EPS15: variants seen among roughly 807,000 people sequenced by gnomAD.
EPS15 encodes the protein epidermal growth factor receptor pathway substrate 15.
In EPS15, 72 loss-of-function variants were observed where a neutral mutation model predicts 113.8. The observed-to-expected ratio is 0.63, with a 90% confidence interval of 0.52 to 0.77. The LOEUF is 0.77. EPS15 is among the 30% of genes least tolerant of loss of function. The pLI, the probability that EPS15 is intolerant of heterozygous loss-of-function variation, is 0.00. For synonymous variants in EPS15, 344 were observed against 363.4 expected (o/e 0.95, Z 0.61); for missense variants, 1,048 against 1,045.8 (o/e 1.00, Z -0.03).
intron 15 of EPS15, 138 bp from the exon 16 acceptor site, chr1:51,406,246 CAGG>C: frequency 2.9e-6 from 2 of 687,076 alleles, no homozygotes; most frequent in East Asian, 2.7e-5. Context: ...GAAACTGAGG[CAGG>C]AGGACTGCTT....
intron 1 of EPS15, among the ~76,000 whole-genome samples, chr1:51,490,555 A>C (rs1183386339): frequency 7.7e-6 from 1 of 129,792 alleles, no homozygotes; most frequent in Non-Finnish European, 1.6e-5. Flanking sequence ...ACAGTGCGAG[A>C]CTCCATCTCA....
rs1312480321 is a variant in EPS15 at position 51,355,878 on chromosome 1, T to C, written c.*822A>G. 1 of 197,012 alleles carries C rather than the reference T, an allele frequency of 5.1e-6. No individual in the cohort carries two copies. The highest frequency in any genetic ancestry group is 2.3e-5 in the African/African-American group (1 of 43,268). 12.2% of individuals were successfully genotyped at this position (197,012 alleles called of 1,614,324 possible). Reference sequence around the variant, plus strand: ...CATGTTAAGACTTTTGCTTGCCTTATACTGATGGGTATATTTTAGGTGATA... The same window carrying C: ...CATGTTAAGACTTTTGCTTGCCTTACACTGATGGGTATATTTTAGGTGATA... On this transcript the variant is annotated 3_prime_UTR_variant, in exon 25 of 25. Transcript: ENST00000371733.
intron 21 of EPS15, chr1:51,372,165 T>C (rs1280530478): frequency 5.2e-6 from 2 of 384,838 alleles, no homozygotes; most frequent in Non-Finnish European, 1.0e-5. Flanking sequence ...CACACACATT[T>C]TTTTCATTAA....
At chr1:51,376,615 G>A (rs1646806000) in intron 21 of EPS15, among the ~76,000 whole-genome samples, 1 of 152,174 alleles carries the variant, frequency 6.6e-6, no homozygotes, top group African/African-American at 2.4e-5. Context: ...GGTGAGCTGA[G>A]ATTGCACCAC....
chr1:51,415,301 A>G (rs116248076), intron 13 of EPS15, among the ~76,000 whole-genome samples: 271 of 152,306 alleles, frequency 1.8e-3, no homozygotes, highest in Non-Finnish European at 3.2e-3. Flanking sequence ...ATTCATTCAA[A>G]TTTCCCAGAC....
intron 8 of EPS15, among the ~76,000 whole-genome samples, chr1:51,449,686 C>CA (rs1653376497): frequency 2.0e-5 from 3 of 151,616 alleles, no homozygotes; most frequent in Non-Finnish European, 2.9e-5. Flanking sequence ...ACACGGAAGA[C>CA]AGAGTTATTA....
intron 1 of EPS15, among the ~76,000 whole-genome samples, chr1:51,496,981 G>T (rs573641676): frequency 2.9e-4 from 44 of 152,144 alleles, no homozygotes; most frequent in African/African-American, 1.0e-3. Context: ...ACACATAGAA[G>T]ATAATAAATA....
At chr1:51,384,732 C>A (rs1023251043) in intron 21 of EPS15, among the ~76,000 whole-genome samples, 2 of 152,160 alleles carry the variant, frequency 1.3e-5, no homozygotes, top group East Asian at 3.8e-4. Flanking sequence ...CAGTGAGGAA[C>A]TGCATAAATA....
intron 2 of EPS15, among the ~76,000 whole-genome samples, chr1:51,473,221 G>C (rs1344094394): frequency 1.3e-5 from 2 of 152,096 alleles, no homozygotes; most frequent in Non-Finnish European, 2.9e-5. Flanking sequence ...GCAAATTCGT[G>C]GGGTTGTAAC....
intron 1 of EPS15, among the ~76,000 whole-genome samples, chr1:51,499,595 A>G (rs770771050): frequency 6.6e-6 from 1 of 152,086 alleles, no homozygotes; most frequent in Non-Finnish European, 1.5e-5. Context: ...CAAGGGTTCC[A>G]GTATCTCCAA....
At chr1:51,404,229 C>T (rs1291907883) in intron 16 of EPS15, among the ~76,000 whole-genome samples, 1 of 152,052 alleles carries the variant, frequency 6.6e-6, no homozygotes, top group African/African-American at 2.4e-5. Flanking sequence ...GCCTGTAGTC[C>T]CAGCTACTCG....
At chr1:51,394,569 GAAC>G (rs1351531634) in intron 20 of EPS15, 122 bp from the exon 21 acceptor site, 1 of 494,938 alleles carries the variant, frequency 2.0e-6, no homozygotes, top group African/African-American at 2.0e-5. Context: ...TAGACATTAG[GAAC>G]AAATGTTTCC....
intron 13 of EPS15, among the ~76,000 whole-genome samples, chr1:51,416,989 A>G (rs1394899638): frequency 6.6e-6 from 1 of 152,062 alleles, no homozygotes; most frequent in African/African-American, 2.4e-5. Context: ...ATAGAACAAG[A>G]TGTTTAAGTC....
At chr1:51,423,239 G>A (rs1349495063) in intron 12 of EPS15, 12 of 1,288,784 alleles carry the variant, frequency 9.3e-6, no homozygotes, top group East Asian at 5.5e-5. Context: ...TGTGGGTCGC[G>A]ATGTTGTGAT....
At chr1:51,362,142 T>C (rs892853201) in intron 23 of EPS15, among the ~76,000 whole-genome samples, 2 of 151,874 alleles carry the variant, frequency 1.3e-5, no homozygotes, top group African/African-American at 2.4e-5. Context: ...CTAAAATGCA[T>C]AAGCTGGTAA....
chr1:51,436,725 G>A (rs1022556415), intron 12 of EPS15, among the ~76,000 whole-genome samples: 1 of 152,098 alleles, frequency 6.6e-6, no homozygotes, highest in Non-Finnish European at 1.5e-5. Flanking sequence ...AAAGAGATGG[G>A]AAGGTAAGGA....
intron 10 of EPS15, among the ~76,000 whole-genome samples, chr1:51,446,017 T>C (rs1653020229): frequency 6.6e-6 from 1 of 152,194 alleles, no homozygotes; most frequent in South Asian, 2.1e-4. Context: ...TCTTTCCCAG[T>C]CTTGGGTTCT....
chr1:51,479,995 G>A (rs1643990727), intron 2 of EPS15, among the ~76,000 whole-genome samples: 1 of 152,224 alleles, frequency 6.6e-6, no homozygotes, highest in Non-Finnish European at 1.5e-5. Flanking sequence ...ATATGGTGGA[G>A]AGAATTTCTA....
chr1:51,507,946 G>C (rs1454794550), intron 1 of EPS15, among the ~76,000 whole-genome samples: 1 of 151,932 alleles, frequency 6.6e-6, no homozygotes, highest in East Asian at 1.9e-4. Context: ...GGGAGGCCGA[G>C]GCAGGTGGAT....
Sources: allele counts gnomAD v4.1 joint callset (sites outside exome capture counted in the v4.1 genomes callset), GRCh38; gene constraint gnomAD v4.1.1; transcripts MANE v1.5; gene names NCBI Gene and HGNC (gene_info 2026-07-23, HGNC 2026-07-21).